GABBR2: variants seen among roughly 807,000 people sequenced by gnomAD.
GABBR2 encodes gamma-aminobutyric acid type B receptor subunit 2, also known as G-protein coupled receptor 51.
A neutral mutation model predicts 105.6 loss-of-function variants in GABBR2; 23 were observed. The observed-to-expected ratio is 0.22, with a 90% CI of 0.16 to 0.31. The LOEUF is 0.31. Among genes scored for constraint, GABBR2 ranks in the 10% least tolerant of loss-of-function variants. The pLI, the probability that GABBR2 is intolerant of heterozygous loss-of-function variation, is 1.00. For missense variants in GABBR2, 734 were observed against 1,245.5 expected (o/e 0.59, Z 6.18); for synonymous variants, 478 against 499.7 (o/e 0.96, Z 0.58).
In GABBR2 at chr9:98,435,361, G is replaced by A. The variant is rs10986257; in HGVS notation, c.1236+18620C>T. On this transcript the variant is annotated intron_variant, in intron 7 of 18. Transcript: ENST00000259455. ...TCAAAATGGAAAGTAATTGCATTAG[G>A]AGCACACCCTCCATCATCCCCTCTC... 3.6e-3 allele frequency among the ~76,000 whole-genome samples: 546 copies of A among 152,230 alleles called. 5 individuals are homozygous for A. In the East Asian group the frequency reaches 0.046, roughly 13 times the overall value.
intron 18 of GABBR2, among the ~76,000 whole-genome samples, chr9:98,291,592 A>G (rs898032669): frequency 3.9e-5 from 6 of 152,294 alleles, no homozygotes; most frequent in African/African-American, 1.4e-4. Context: ...AAGCCAAGGA[A>G]GGGAAAAAAA....
At chr9:98,364,617 T>TTTTTTTA (rs1554695427) in intron 12 of GABBR2, among the ~76,000 whole-genome samples, 1 of 151,612 alleles carries the variant, frequency 6.6e-6, no homozygotes, top group African/African-American at 2.4e-5. Context: ...TTTTTTTTTT[T>TTTTTTTA]ATGGAATCTT....
intron 1 of GABBR2, among the ~76,000 whole-genome samples, chr9:98,672,441 G>A (rs1412947298): frequency 6.6e-6 from 1 of 152,202 alleles, no homozygotes; most frequent in East Asian, 1.9e-4. Flanking sequence ...AAAAAGCATA[G>A]GTTTATTCAA....
intron 1 of GABBR2, among the ~76,000 whole-genome samples, chr9:98,663,503 G>T (rs1160838789): frequency 6.6e-6 from 1 of 152,060 alleles, no homozygotes; most frequent in Non-Finnish European, 1.5e-5. Context: ...GCAGTCAGGG[G>T]CCTGGTCCAC....
chr9:98,491,796 A>G (rs148611707), intron 4 of GABBR2, among the ~76,000 whole-genome samples: 121 of 152,282 alleles, frequency 7.9e-4, no homozygotes, highest in African/African-American at 2.6e-3. Context: ...GTATAAAATT[A>G]TATGTAATTT....
intron 3 of GABBR2, among the ~76,000 whole-genome samples, chr9:98,505,549 T>G (rs779572432): frequency 2.0e-5 from 3 of 152,138 alleles, no homozygotes; most frequent in Admixed American, 6.5e-5. Flanking sequence ...GTTCTAACCC[T>G]GACAACTTGT....
At chr9:98,430,744 T>C (rs1242040669) in intron 7 of GABBR2, among the ~76,000 whole-genome samples, 1 of 152,042 alleles carries the variant, frequency 6.6e-6, no homozygotes, top group Non-Finnish European at 1.5e-5. Flanking sequence ...TGAATTCTCA[T>C]CTCTGTCTCT....
chr9:98,653,286 A>G (rs1418950324), intron 1 of GABBR2, among the ~76,000 whole-genome samples: 2 of 152,268 alleles, frequency 1.3e-5, no homozygotes, highest in African/African-American at 2.4e-5. Context: ...GGCATGAGCC[A>G]TCGCACCTAG....
At chr9:98,631,592 C>A (rs952391859) in intron 1 of GABBR2, among the ~76,000 whole-genome samples, 1 of 152,188 alleles carries the variant, frequency 6.6e-6, no homozygotes, top group Non-Finnish European at 1.5e-5. Flanking sequence ...TACTATGATT[C>A]ATACTTGAAT....
chr9:98,289,567 C>T lies in GABBR2; in HGVS notation c.*1017G>A, dbSNP rs944406384. On this transcript the variant is annotated 3_prime_UTR_variant, in exon 19 of 19. Transcript: ENST00000259455. ...AAGCCCTCAGCCAGCAACTCTCTCCCCTATGTCTACGGGGATGTCTTTTAG... is the reference window on the plus strand; with the variant it reads ...AAGCCCTCAGCCAGCAACTCTCTCCTCTATGTCTACGGGGATGTCTTTTAG... 114 of 152,568 alleles carry T rather than the reference C, an allele frequency of 7.5e-4. No individual in the cohort carries two copies. The highest frequency in any genetic ancestry group is 2.5e-3 in the African/African-American group (102 of 41,504). 9.5% of individuals were successfully genotyped at this position (152,568 alleles called of 1,614,324 possible). A position where few individuals can be genotyped will look rare whatever the true frequency, so the allele number is the denominator to read the frequency against.
chr9:98,434,224 T>G (rs750862223), intron 7 of GABBR2, among the ~76,000 whole-genome samples: 4 of 152,228 alleles, frequency 2.6e-5, no homozygotes, highest in Non-Finnish European at 5.9e-5. Context: ...CTTTGGGACT[T>G]GGACTGGCTT....
In GABBR2 at chr9:98,455,900, T is replaced by A. The variant is rs556475027; in HGVS notation, c.1000-1683A>T. ...TCCTGGCCGGGAGTCTGCCTCCTCC[T>A]GTTTCAGGGTCCTCCTGGAAGGCTC... On this transcript the variant is annotated intron_variant, in intron 6 of 18. Coordinates refer to ENST00000259455, the MANE Select transcript of GABBR2 (RefSeq NM_005458.8). Among the ~76,000 whole-genome samples, 33 of 152,318 alleles carry A rather than the reference T, an allele frequency of 2.2e-4. No homozygotes were observed. The South Asian group carries it at 2.3e-3, about 11-fold the overall frequency.
intron 1 of GABBR2, chr9:98,607,788 T>A (rs1479772600): frequency 1.3e-6 from 1 of 799,662 alleles, no homozygotes; most frequent in East Asian, 2.5e-5. Flanking sequence ...ATAATGGAAT[T>A]GATAACAACA....
chr9:98,322,362 C>T (rs1178286412), intron 13 of GABBR2, among the ~76,000 whole-genome samples: 2 of 152,148 alleles, frequency 1.3e-5, no homozygotes, highest in East Asian at 3.9e-4. Context: ...CCGCCTGTCA[C>T]ATGCAGGTGA....
At chr9:98,545,072 A>G (rs1315037122) in intron 2 of GABBR2, among the ~76,000 whole-genome samples, 1 of 152,168 alleles carries the variant, frequency 6.6e-6, no homozygotes, top group Non-Finnish European at 1.5e-5. Context: ...CAATTTGGAA[A>G]ATATTGGCTT....
At chr9:98,670,189 A>G (rs1830389466) in intron 1 of GABBR2, among the ~76,000 whole-genome samples, 1 of 152,196 alleles carries the variant, frequency 6.6e-6, no homozygotes, top group African/African-American at 2.4e-5. Context: ...TACCCCTTCA[A>G]AGTGTACAAT....
At position 98,537,862 on chromosome 9, in the gene GABBR2, A is replaced by G. The variant is rs569062920; in HGVS notation, c.630+4011T>C. On this transcript the variant is annotated intron_variant, in intron 3 of 18. Coordinates refer to ENST00000259455, the MANE Select transcript of GABBR2 (RefSeq NM_005458.8). Reference sequence around the variant, plus strand: ...AAAGGAAATGGAAGAAAATCCAAAAATGTACATTTTATTTTGTATTAAAAT... The same window carrying G: ...AAAGGAAATGGAAGAAAATCCAAAAGTGTACATTTTATTTTGTATTAAAAT... Among the ~76,000 whole-genome samples, 20 of 152,368 alleles carry G rather than the reference A, an allele frequency of 1.3e-4. 1 individual carries two copies. The highest frequency in any genetic ancestry group is 1.0e-3 in the South Asian group (5 of 4,828).
At chr9:98,463,939 A>G (rs934474110) in intron 6 of GABBR2, among the ~76,000 whole-genome samples, 1 of 152,010 alleles carries the variant, frequency 6.6e-6, no homozygotes, top group Non-Finnish European at 1.5e-5. Flanking sequence ...CTCAACGCTC[A>G]ATGTTGCCCA....
intron 1 of GABBR2, among the ~76,000 whole-genome samples, chr9:98,682,230 G>GA (rs376707014): frequency 0.016 from 1,541 of 96,546 alleles, 24 homozygotes; most frequent in African/African-American, 0.053. Flanking sequence ...CTTCATCTCA[G>GA]AAAAAAAAAA....
Sources: allele counts gnomAD v4.1 joint callset (sites outside exome capture counted in the v4.1 genomes callset), GRCh38; gene constraint gnomAD v4.1.1; transcripts MANE v1.5; gene names NCBI Gene and HGNC (gene_info 2026-07-23, HGNC 2026-07-21).